Variants in SRRM4 observed in about 807,000 individuals in gnomAD.
SRRM4 encodes serine/arginine repetitive matrix 4.
SRRM4 carries 33 observed loss-of-function variants against 68.9 expected under a neutral mutation model. The ratio of observed to expected loss-of-function variants is 0.48; its 90% CI spans 0.36 to 0.64. SRRM4 has a LOEUF of 0.64. Among genes scored for constraint, SRRM4 ranks in the 30% least tolerant of loss-of-function variants. SRRM4 has a pLI of 0.00. For missense variants in SRRM4, 817 were observed against 827.1 expected, an observed-to-expected ratio of 0.99 and a Z score of 0.15; for synonymous variants, 318 against 318.8, an observed-to-expected ratio of 1.00 and a Z score of 0.03.
intron 1 of SRRM4, among the ~76,000 whole-genome samples, chr12:118,995,696 A>C (rs1270908469): frequency 6.6e-6 from 1 of 152,194 alleles, no homozygotes; most frequent in Non-Finnish European, 1.5e-5. Context: ...CCCCAAGCTG[A>C]CCCAGTTAGG....
At chr12:119,143,899 C>T (rs1336142770) in intron 8 of SRRM4, among the ~76,000 whole-genome samples, 2 of 152,152 alleles carry the variant, frequency 1.3e-5, no homozygotes, top group Non-Finnish European at 2.9e-5. Flanking sequence ...GGATGGTTAT[C>T]TCTGGAGAAG....
chr12:119,140,582 A>C (rs1954359048), intron 8 of SRRM4, among the ~76,000 whole-genome samples: 1 of 152,264 alleles, frequency 6.6e-6, no homozygotes, highest in African/African-American at 2.4e-5. Context: ...CAAAGTCACT[A>C]TGCAGGCTGG....
intron 1 of SRRM4, among the ~76,000 whole-genome samples, chr12:119,089,940 T>C (rs574746351): frequency 2.6e-5 from 4 of 152,310 alleles, no homozygotes; most frequent in Non-Finnish European, 4.4e-5. Context: ...TTTCCCATTC[T>C]CAGATGGGAA....
intron 8 of SRRM4, among the ~76,000 whole-genome samples, chr12:119,131,929 A>G (rs1190224155): frequency 6.6e-6 from 1 of 152,186 alleles, no homozygotes; most frequent in Non-Finnish European, 1.5e-5. Flanking sequence ...GAAGCAAGGA[A>G]AAGTTCAGGG....
rs1954397640 is a variant in SRRM4, at chr12:119,145,673, G to A, written c.1064G>A (p.Gly355Asp). Residue 355 changes from glycine to aspartate, a missense_variant, in exon 9 of 13, where the codon GGC (glycine) becomes GAC (aspartate). Coordinates refer to ENST00000267260, the MANE Select transcript of SRRM4 (RefSeq NM_194286.4). ...GAGAATCTCTCCCCCACCAGCAGGG[G>A]CAGAGAGTCAAGGTCAGTGCACCAC... ...MLENLSPTSR[G>D]RESRGFQSPC... 1 of 1,521,198 alleles carries A rather than the reference G, an allele frequency of 6.6e-7. No homozygotes were observed. Among genetic ancestry groups the A allele is most frequent in the South Asian group, 1.3e-5 (1 of 75,524 alleles). The allele number at this position is 1,521,198 out of a possible 1,614,324, so 94.2% of individuals were successfully genotyped here. A position where few individuals can be genotyped will look rare whatever the true frequency, so the allele number is the denominator to read the frequency against.
In SRRM4 at chr12:118,981,733, A is replaced by G. The variant is rs570094321; in HGVS notation, c.-150A>G. On this transcript the variant is annotated 5_prime_UTR_variant, in exon 1 of 13. Coordinates refer to ENST00000267260, the MANE Select transcript of SRRM4 (RefSeq NM_194286.4). ...CTGCCTGCCCGGGCTGGGGCGTCCCATCCCCCGCCCTGAACTCCGATCTCT... is the reference window on the plus strand; with the variant it reads ...CTGCCTGCCCGGGCTGGGGCGTCCCGTCCCCCGCCCTGAACTCCGATCTCT... 3.6e-4 allele frequency: 292 copies of G among 814,050 alleles called. 3 individuals are homozygous for G. In the Admixed American group the frequency reaches 8.2e-3, roughly 23 times the overall value. The allele number at this position is 814,050 out of a possible 1,614,324, so 50.4% of individuals were successfully genotyped here.
chr12:119,016,380 G>A (rs181699507), intron 1 of SRRM4, among the ~76,000 whole-genome samples: 3 of 151,784 alleles, frequency 2.0e-5, no homozygotes, highest in Non-Finnish European at 4.4e-5. Flanking sequence ...CACACTCTAT[G>A]AGGGGGACTC....
At chr12:119,138,158 G>C (rs577451016) in intron 8 of SRRM4, among the ~76,000 whole-genome samples, 1 of 152,240 alleles carries the variant, frequency 6.6e-6, no homozygotes, top group Admixed American at 6.5e-5. Context: ...GCAGGGATTT[G>C]GGCCCAGTGT....
In SRRM4 at chr12:119,146,314, T is replaced by C. The variant is rs149284630; in HGVS notation, c.1076+629T>C. 7.3e-3 allele frequency among the ~76,000 whole-genome samples: 1,116 copies of C among 152,214 alleles called. 15 individuals are homozygous for C. Among genetic ancestry groups the C allele is most frequent in the African/African-American group, 0.025 (1,029 of 41,520 alleles). On this transcript the variant is annotated intron_variant, in intron 9 of 12. Transcript: ENST00000267260. Reference sequence around the variant, plus strand: ...AAGGAAGTCGAACATTGACCAGGCGTGGTGGCTCACACCTGTAATCCCAGC... The same window carrying C: ...AAGGAAGTCGAACATTGACCAGGCGCGGTGGCTCACACCTGTAATCCCAGC...
intron 10 of SRRM4, among the ~76,000 whole-genome samples, chr12:119,151,519 C>T (rs1048331526): frequency 1.3e-5 from 2 of 152,178 alleles, no homozygotes; most frequent in South Asian, 2.1e-4. Flanking sequence ...CTGCTATTGG[C>T]ATGAGAATGA....
intron 1 of SRRM4, among the ~76,000 whole-genome samples, chr12:119,053,804 G>C (rs566012936): frequency 6.6e-6 from 1 of 151,046 alleles, no homozygotes; most frequent in Non-Finnish European, 1.5e-5. Flanking sequence ...GAGATATTTT[G>C]ACACAGGCAT....
At chr12:119,006,605 T>A (rs1409195115) in intron 1 of SRRM4, among the ~76,000 whole-genome samples, 3 of 152,198 alleles carry the variant, frequency 2.0e-5, no homozygotes, top group African/African-American at 7.2e-5. Context: ...TTGGAGAAGT[T>A]ACTGCCTGTG....
intron 1 of SRRM4, among the ~76,000 whole-genome samples, chr12:119,087,271 A>G (rs1018841414): frequency 2.0e-5 from 3 of 152,214 alleles, no homozygotes; most frequent in African/African-American, 7.2e-5. Context: ...TGCTCCACGA[A>G]TATCCACTGT....
chr12:119,059,638 G>A (rs1953798550), intron 1 of SRRM4, among the ~76,000 whole-genome samples: 1 of 152,102 alleles, frequency 6.6e-6, no homozygotes, highest in Admixed American at 6.5e-5. Context: ...CTGGGGAGGT[G>A]GAAAGGGATT....
At chr12:119,012,273 G>A (rs1953454308) in intron 1 of SRRM4, among the ~76,000 whole-genome samples, 1 of 152,184 alleles carries the variant, frequency 6.6e-6, no homozygotes, top group African/African-American at 2.4e-5. Context: ...AGAGATGAAT[G>A]AGTCCTCCCC....
intron 8 of SRRM4, among the ~76,000 whole-genome samples, chr12:119,135,918 C>T (rs955937518): frequency 6.6e-6 from 1 of 152,022 alleles, no homozygotes; most frequent in Non-Finnish European, 1.5e-5. Context: ...AATAATCATA[C>T]CTACTTATAG....
Position 119,151,259 on chromosome 12 carries a change from T to C in SRRM4, c.1280+39T>C. The C allele has an allele frequency of 1.9e-6, 3 of 1,570,576 alleles. No homozygotes were observed. The South Asian group carries it at 3.3e-5, about 17-fold the overall frequency. Reference sequence around the variant, plus strand: ...TGACCTTTGCTCTGCAGCACCTTTCTCCTTAGGAAATTAGTTAATTGCAGA... The same window carrying C: ...TGACCTTTGCTCTGCAGCACCTTTCCCCTTAGGAAATTAGTTAATTGCAGA... On this transcript the variant is annotated intron_variant, in intron 10 of 12. Transcript: ENST00000267260.
Position 119,114,027 on chromosome 12 carries a change from C to T in SRRM4, c.279-251C>T, listed in dbSNP as rs575104661. ...AAATCTATTTAGGAGTAGTTAACCT[C>T]TATAACTCTGTTTTTAATAATCAGT... On this transcript the variant is annotated intron_variant, in intron 2 of 12. Coordinates refer to ENST00000267260, the MANE Select transcript of SRRM4 (RefSeq NM_194286.4). The T allele has an allele frequency of 3.5e-4, 120 of 340,124 alleles. 1 individual carries two copies. Among genetic ancestry groups the T allele is most frequent in the South Asian group, 3.3e-3 (58 of 17,578 alleles). 21.1% of individuals were successfully genotyped at this position (340,124 alleles called of 1,614,324 possible). A position where few individuals can be genotyped will look rare whatever the true frequency, so the allele number is the denominator to read the frequency against.
At chr12:118,993,859 TG>T (rs1475848289) in intron 1 of SRRM4, 2 of 152,242 alleles carry the variant, frequency 1.3e-5, no homozygotes, top group East Asian at 3.9e-4. Flanking sequence ...TGCTTTCTGC[TG>T]GGTGCTATAA....
Sources: gnomAD v4.1 joint callset for allele counts (sites outside exome capture counted in the v4.1 genomes callset) on GRCh38, gnomAD v4.1.1 for gene constraint, MANE v1.5 for transcripts, NCBI Gene and HGNC (gene_info 2026-07-23, HGNC 2026-07-21) for gene names.